The following BFSP2 variants were observed in gnomAD, a reference collection of about 807,000 sequenced individuals.
The protein encoded by BFSP2 is beaded filament structural protein 2, also known as phakinin.
Under a neutral mutation model 44.9 loss-of-function variants are expected in BFSP2, and 38 were observed. The ratio of observed to expected loss-of-function variants is 0.85; its 90% CI spans 0.65 to 1.11. The LOEUF (loss-of-function observed/expected upper bound fraction) is 1.11. Among genes scored for constraint, BFSP2 ranks in the 50% least tolerant of loss-of-function variants. The pLI, the probability that BFSP2 is intolerant of heterozygous loss-of-function variation, is 0.00. For synonymous variants in BFSP2, 197 were observed against 209.9 expected (o/e 0.94, Z 0.53); for missense variants, 525 against 533.0 (o/e 0.99, Z 0.15).
intron 4 of BFSP2, among the ~76,000 whole-genome samples, chr3:133,456,080 C>T (rs540317010): frequency 6.6e-6 from 1 of 152,272 alleles, no homozygotes; most frequent in South Asian, 2.1e-4. Context: ...TTGGTGGTTG[C>T]CCGGATGTGA....
intron 1 of BFSP2, among the ~76,000 whole-genome samples, chr3:133,435,011 A>G (rs1250783973): frequency 6.6e-6 from 1 of 152,258 alleles, no homozygotes; most frequent in Non-Finnish European, 1.5e-5. Flanking sequence ...TTGGGAATTT[A>G]GCAATGTTAG....
intron 1 of BFSP2, among the ~76,000 whole-genome samples, chr3:133,427,208 G>A (rs2073662353): frequency 6.6e-6 from 1 of 152,178 alleles, no homozygotes. Context: ...GAATTTCCAA[G>A]GATCATTTTG....
intron 1 of BFSP2, among the ~76,000 whole-genome samples, chr3:133,438,946 C>A (rs1356400413): frequency 6.6e-6 from 1 of 152,144 alleles, no homozygotes; most frequent in Non-Finnish European, 1.5e-5. Context: ...TTTTTTAAAA[C>A]AAGCACAGTC....
At chr3:133,431,628 G>A (rs1432253767) in intron 1 of BFSP2, among the ~76,000 whole-genome samples, 1 of 152,154 alleles carries the variant, frequency 6.6e-6, no homozygotes, top group Non-Finnish European at 1.5e-5. Flanking sequence ...AAGCCCCGCA[G>A]ACCATCACGG....
chr3:133,442,225 G>A (rs747872652), intron 1 of BFSP2, among the ~76,000 whole-genome samples: 31 of 152,126 alleles, frequency 2.0e-4, no homozygotes, highest in Non-Finnish European at 4.0e-4. Flanking sequence ...CTGCAGCCTC[G>A]ACCTCCTGGC....
intron 4 of BFSP2, among the ~76,000 whole-genome samples, chr3:133,458,156 T>G (rs1215580424): frequency 1.3e-5 from 2 of 152,244 alleles, no homozygotes; most frequent in Admixed American, 1.3e-4. Flanking sequence ...TACTTTGTGA[T>G]CTTTGCTAAT....
chr3:133,419,771 C>A (rs1365899349), intron 1 of BFSP2, among the ~76,000 whole-genome samples: 1 of 152,220 alleles, frequency 6.6e-6, no homozygotes, highest in Non-Finnish European at 1.5e-5. Context: ...AATAGCACAG[C>A]CCTCCTCGGG....
chr3:133,471,644 G>A (rs1042584480), intron 5 of BFSP2, among the ~76,000 whole-genome samples: 1 of 152,106 alleles, frequency 6.6e-6, no homozygotes, highest in African/African-American at 2.4e-5. Flanking sequence ...TCATGAGTAT[G>A]TTCAAATCAT....
At chr3:133,467,190 A>G (rs1226593346) in intron 5 of BFSP2, among the ~76,000 whole-genome samples, 1 of 152,310 alleles carries the variant, frequency 6.6e-6, no homozygotes, top group South Asian at 2.1e-4. Context: ...GCTGCAGTAA[A>G]TGTTGACTGT....
chr3:133,440,229 GATTCAA>G (rs2073831865), intron 1 of BFSP2, among the ~76,000 whole-genome samples: 3 of 1,794 alleles, frequency 1.7e-3, no homozygotes, highest in Non-Finnish European at 0.012. Context: ...CTACCCCCAT[GATTCAA>G]TGATTCAATT....
chr3:133,415,123 T>C (rs1352690689), intron 1 of BFSP2, among the ~76,000 whole-genome samples: 5 of 88,376 alleles, frequency 5.7e-5, no homozygotes, highest in East Asian at 4.2e-4. Flanking sequence ...CTGTTCTACT[T>C]ACCCCTCTAC....
intron 1 of BFSP2, among the ~76,000 whole-genome samples, chr3:133,401,370 A>T (rs75515509): frequency 6.6e-6 from 1 of 152,248 alleles, no homozygotes; most frequent in African/African-American, 2.4e-5. Context: ...AATGTGGCTA[A>T]TGAGACTGAG....
chr3:133,435,571 AGCTGG>A (rs2073772857), intron 1 of BFSP2, among the ~76,000 whole-genome samples: 2 of 152,258 alleles, frequency 1.3e-5, no homozygotes, highest in Non-Finnish European at 2.9e-5. Flanking sequence ...TCTGCGGCTG[AGCTGG>A]GCAAAACAGT....
At chr3:133,449,947 GAA>G (rs2073941478) in intron 3 of BFSP2, among the ~76,000 whole-genome samples, 1 of 114,894 alleles carries the variant, frequency 8.7e-6, no homozygotes, top group East Asian at 2.6e-4. Context: ...AAGAAAGAGA[GAA>G]AGAGAGAGAG....
intron 4 of BFSP2, among the ~76,000 whole-genome samples, chr3:133,451,880 T>C (rs1018893609): frequency 1.3e-5 from 2 of 152,174 alleles, no homozygotes; most frequent in African/African-American, 2.4e-5. Flanking sequence ...CTCCCACCCA[T>C]TTCTGACTTT....
At position 133,466,288 on chromosome 3, in the gene BFSP2, G is replaced by T. The variant is rs77387616; in HGVS notation, c.892-540G>T. Among the ~76,000 whole-genome samples the T allele has an allele frequency of 2.1e-3, 313 of 152,206 alleles. 1 individual carries two copies. Among genetic ancestry groups the T allele is most frequent in the African/African-American group, 7.2e-3 (298 of 41,532 alleles). On this transcript the variant is annotated intron_variant, in intron 4 of 6. Transcript: ENST00000302334. ...AGGAGAAAATGAGACTTTATAGTCT[G>T]TAGGAAATCTTTTGAATTGTATTTC...
At chr3:133,403,372 A>G (rs1842156) in intron 1 of BFSP2, among the ~76,000 whole-genome samples, 25,680 of 151,626 alleles carry the variant, frequency 0.17, 2,659 homozygotes, top group African/African-American at 0.29. Flanking sequence ...CCCCTTGTCC[A>G]CAGAACTCCT....
At chr3:133,451,006 G>T (rs910600012) in intron 4 of BFSP2, among the ~76,000 whole-genome samples, 4 of 151,328 alleles carry the variant, frequency 2.6e-5, no homozygotes, top group Non-Finnish European at 5.9e-5. Flanking sequence ...CGCTACTCGG[G>T]AGGCTGAGGC....
intron 1 of BFSP2, among the ~76,000 whole-genome samples, chr3:133,408,454 T>G (rs954920688): frequency 6.6e-6 from 1 of 152,308 alleles, no homozygotes; most frequent in African/African-American, 2.4e-5. Flanking sequence ...TTTGGCAACA[T>G]CTAGACAAAT....
Sources: allele counts gnomAD v4.1 joint callset (sites outside exome capture counted in the v4.1 genomes callset), GRCh38; gene constraint gnomAD v4.1.1; transcripts MANE v1.5; gene names NCBI Gene and HGNC (gene_info 2026-07-23, HGNC 2026-07-21).